TMEM143: variants seen among roughly 807,000 people sequenced by gnomAD.
The protein encoded by TMEM143 is transmembrane protein 143.
Under a neutral mutation model 40.3 loss-of-function variants are expected in TMEM143, and 45 were observed. The ratio of observed to expected loss-of-function variants is 1.12; its 90% CI spans 0.88 to 1.43. The LOEUF is 1.43. Ranked by LOEUF, TMEM143 falls within the 40% of genes most tolerant of loss-of-function variation. The pLI is 0.00. For synonymous variants in TMEM143, 299 were observed against 282.7 expected (o/e 1.06, Z -0.58); for missense variants, 620 against 613.4 (o/e 1.01, Z -0.11).
chr19:48,356,596 ATTT>A (rs36077135), intron 3 of TMEM143, among the ~76,000 whole-genome samples: 1 of 135,870 alleles, frequency 7.4e-6, no homozygotes, highest in Non-Finnish European at 1.6e-5. Flanking sequence ...GGCCCAGGTA[ATTT>A]TTTTTTTTTT....
chr19:48,333,457 C>T lies in TMEM143; in HGVS notation c.1166-24G>A, dbSNP rs374030484. 3.8e-5 allele frequency: 57 copies of T among 1,508,982 alleles called. 1 individual carries two copies. The African/African-American group carries it at 7.6e-4, about 20-fold the overall frequency. 93.5% of individuals were successfully genotyped at this position (1,508,982 alleles called of 1,614,324 possible). ...CTCTGCAAGGGGAGAGGCAGGTGTT[C>T]TGAGGTCACACTGAGATCGGGGAAG... On this transcript the variant is annotated intron_variant, in intron 7 of 7. Coordinates refer to ENST00000293261, the MANE Select transcript of TMEM143 (RefSeq NM_018273.4). The surrounding 1 kb of genome is among the most constrained non-coding windows in gnomAD (Gnocchi z 4.1).
At chr19:48,352,258 A>AAAAAAAAAAAAC (rs1969793936) in intron 3 of TMEM143, among the ~76,000 whole-genome samples, 1 of 148,026 alleles carries the variant, frequency 6.8e-6, no homozygotes, top group Non-Finnish European at 1.5e-5. Flanking sequence ...AAAAAAAAAA[A>AAAAAAAAAAAAC]AAAACACCAT....
chr19:48,341,194 C>T (rs1465694940), intron 6 of TMEM143, among the ~76,000 whole-genome samples: 1 of 152,188 alleles, frequency 6.6e-6, no homozygotes, highest in Non-Finnish European at 1.5e-5. Context: ...TGGGAAGAAT[C>T]AGTAAAAGGC....
At chr19:48,359,388 C>T (rs1371722354) in intron 3 of TMEM143, among the ~76,000 whole-genome samples, 3 of 152,012 alleles carry the variant, frequency 2.0e-5, no homozygotes, top group Non-Finnish European at 4.4e-5. Flanking sequence ...AGAACATCCT[C>T]CCCCAGGCAT....
In TMEM143 at chr19:48,342,807, C is replaced by T; in HGVS notation, c.698G>A (p.Arg233Lys). 1 of 1,599,992 alleles carries T rather than the reference C, an allele frequency of 6.3e-7. No individual in the cohort carries two copies. The stretch of plus-strand genomic sequence containing the variant: ...TGCCAGGACCACCCGCTTAAAGTAT[C>T]TCCTGAGGGACAGAGACAGAGGCAG... ...FFTKLPPAER[R>K]YFKRVVLAAR... Residue 233 changes from arginine to lysine, a missense_variant and splice_region_variant, in exon 6 of 8, where the codon AGA (arginine) becomes AAA (lysine). Arg to Lys is a conservative substitution (Grantham distance 26). Transcript: ENST00000293261.
At chr19:48,358,160 T>C (rs1969951482) in intron 3 of TMEM143, among the ~76,000 whole-genome samples, 1 of 152,008 alleles carries the variant, frequency 6.6e-6, no homozygotes, top group Non-Finnish European at 1.5e-5. Flanking sequence ...CCAAGGCAGG[T>C]AGATCACGAG....
At position 48,345,249 on chromosome 19, in the gene TMEM143, G is replaced by A. The variant is rs144460855; in HGVS notation, c.475C>T (p.Pro159Ser). ...GAGAAGTTGGCCTGGGCCAGCAGGGGCTCCAGAGCCCGAAGCACCTCCTGC... is the reference window on the plus strand; with the variant it reads ...GAGAAGTTGGCCTGGGCCAGCAGGGACTCCAGAGCCCGAAGCACCTCCTGC... Reference protein sequence around the residue: ...NEQEVLRALEPLLAQANFSPL... With the variant: ...NEQEVLRALESLLAQANFSPL... Residue 159 changes from proline (P) to serine (S), a missense_variant, in exon 4 of 8, where the codon CCC becomes TCC. Transcript: ENST00000293261. 1.2e-6 allele frequency: 2 copies of A among 1,613,316 alleles called. No individual in the cohort carries two copies. Among genetic ancestry groups the A allele is most frequent in the Non-Finnish European group, 8.5e-7 (1 of 1,179,612 alleles).
chr19:48,353,442 C>T (rs1969819317), intron 3 of TMEM143, among the ~76,000 whole-genome samples: 1 of 151,764 alleles, frequency 6.6e-6, no homozygotes. Flanking sequence ...CCTTGGCCTC[C>T]TAAAGTGCTG....
chr19:48,345,603 C>T (rs149192536), intron 3 of TMEM143, among the ~76,000 whole-genome samples: 2,186 of 146,802 alleles, frequency 0.015, 52 homozygotes, highest in African/African-American at 0.052. Context: ...GGACTACAGG[C>T]GCACGCCACC....
chr19:48,359,827 C>G, intron 3 of TMEM143: 1 of 449,398 alleles, frequency 2.2e-6, no homozygotes, highest in Admixed American at 3.9e-5. Flanking sequence ...CTCTTTATCT[C>G]ACTACTCCGC....
intron 2 of TMEM143, 24 bp downstream of exon 2, chr19:48,363,267 T>G: frequency 6.2e-7 from 1 of 1,601,802 alleles, no homozygotes; most frequent in South Asian, 1.1e-5. Context: ...GTCCCCAGGC[T>G]CTTGGGCCTG....
chr19:48,358,842 C>A (rs1969969016), intron 3 of TMEM143, among the ~76,000 whole-genome samples: 2 of 152,200 alleles, frequency 1.3e-5, no homozygotes, highest in Admixed American at 6.5e-5. Flanking sequence ...CAGCTCAGAG[C>A]CCTCCCATGG....
In TMEM143 at chr19:48,356,134, T is replaced by G. The variant is rs537951057; in HGVS notation, c.369+3938A>C. 4.7e-3 allele frequency among the ~76,000 whole-genome samples: 712 copies of G among 152,014 alleles called. 5 individuals are homozygous for G. The highest frequency in any genetic ancestry group is 0.016 in the African/African-American group (681 of 41,436). On this transcript the variant is annotated intron_variant, in intron 3 of 7. Transcript: ENST00000293261. ...TTTCCTTTTTTTTTCTTTTTTTTTT[T>G]TGGGATGGAGTCTCACTCTGCTGCC...
intron 1 of TMEM143, 25 bp downstream of exon 1, chr19:48,363,873 T>A (rs201441262): frequency 1.2e-6 from 2 of 1,613,938 alleles, no homozygotes; most frequent in South Asian, 2.2e-5. Flanking sequence ...TCCCTGGCCA[T>A]GCAATCCCCC....
At chr19:48,337,688 G>A (rs1969402156) in intron 6 of TMEM143, among the ~76,000 whole-genome samples, 1 of 152,106 alleles carries the variant, frequency 6.6e-6, no homozygotes, top group African/African-American at 2.4e-5. Flanking sequence ...CGAGGCCTGA[G>A]GTGAAATGCC....
chr19:48,344,390 A>C (rs535986466), intron 4 of TMEM143, among the ~76,000 whole-genome samples: 5 of 148,658 alleles, frequency 3.4e-5, no homozygotes, highest in Non-Finnish European at 6.0e-5. Context: ...CTGGGATCAA[A>C]TGATCCTCCC....
At chr19:48,352,919 G>A (rs1465119822) in intron 3 of TMEM143, among the ~76,000 whole-genome samples, 2 of 151,992 alleles carry the variant, frequency 1.3e-5, no homozygotes, top group African/African-American at 2.4e-5. Context: ...GCCTGGCCAC[G>A]TATACTTTAA....
chr19:48,359,324 T>C (rs1176529132), intron 3 of TMEM143, among the ~76,000 whole-genome samples: 1 of 151,512 alleles, frequency 6.6e-6, no homozygotes, highest in East Asian at 1.9e-4. Flanking sequence ...CACTGTTCAA[T>C]ACTCCAGGCC....
chr19:48,354,245 C>T (rs1343570121), intron 3 of TMEM143, among the ~76,000 whole-genome samples: 1 of 147,658 alleles, frequency 6.8e-6, no homozygotes, highest in Non-Finnish European at 1.5e-5. Context: ...AGGCGTGAGC[C>T]ACCGCGCCCA....
Sources: allele counts gnomAD v4.1 joint callset (sites outside exome capture counted in the v4.1 genomes callset), GRCh38; gene constraint gnomAD v4.1.1; non-coding constraint Gnocchi (gnomAD v3.1); transcripts MANE v1.5; gene names NCBI Gene and HGNC (gene_info 2026-07-23, HGNC 2026-07-21).